PTOV1: variants seen among roughly 807,000 people sequenced by gnomAD.
PTOV1 encodes the protein PTOV1 extended AT-hook containing adaptor protein.
Under a neutral mutation model 58.0 loss-of-function variants are expected in PTOV1, and 20 were observed. The ratio of observed to expected loss-of-function variants is 0.34; its 90% confidence interval spans 0.24 to 0.50. PTOV1 has a LOEUF of 0.50. PTOV1 is among the 20% of genes least tolerant of loss of function. The pLI, the probability that PTOV1 is intolerant of heterozygous loss-of-function variation, is 0.98. For synonymous variants in PTOV1, 335 were observed against 234.2 expected (o/e 1.43, Z -3.93); for missense variants, 593 against 565.4 (o/e 1.05, Z -0.50).
chr19:49,857,975 C>T (rs200629879), exon 8 of PTOV1: 2 of 1,613,106 alleles, frequency 1.2e-6, no homozygotes, highest in African/African-American at 1.3e-5. Flanking sequence ...AGGGGGAGAT[C>T]CTGTGAGTGC....
At chr19:49,859,250 T>TG (rs566590738) in intron 10 of PTOV1, 205 of 152,012 alleles carry the variant, frequency 1.3e-3, no homozygotes, top group Middle Eastern at 3.4e-3. Flanking sequence ...TGTTCGTGGG[T>TG]GGGGGGGGCC....
intron 1 of PTOV1, 53 bp downstream of exon 1, chr19:49,851,552 C>T: frequency 4.6e-6 from 5 of 1,098,800 alleles, no homozygotes; most frequent in East Asian, 3.6e-5. Context: ...CCCCCCAGCC[C>T]CTATCCCGGG....
chr19:49,857,893 TC>T lies in PTOV1; in HGVS notation c.805-6del. The T allele has an allele frequency of 6.2e-7, 1 of 1,613,080 alleles. No individual in the cohort carries two copies. The highest frequency in any genetic ancestry group is 1.3e-5 in the African/African-American group (1 of 75,030). ...AGCCCTGAGGGCTCCTCTTTGCCTCTCCCCCAAAAGCCCAGGCCTGAGCCCA... is the reference window on the plus strand; with the variant it reads ...AGCCCTGAGGGCTCCTCTTTGCCTCTCCCCAAAAGCCCAGGCCTGAGCCCA... On this transcript the variant is annotated splice_polypyrimidine_tract_variant and intron_variant, in intron 7 of 11. Coordinates refer to ENST00000391842, the Ensembl canonical transcript of PTOV1.
In PTOV1 at chr19:49,858,127, G is replaced by GGCCGGGTGCTGGA. The variant is rs1201948222; in HGVS notation, c.936+17_936+29dup. The stretch of plus-strand genomic sequence containing the variant: ...GCAGCAGCTGCTGGTGAGGGGCTGG[G>GGCCGGGTGCTGGA]GCCGGGTGCTGGAGCCTGCACGCAG... On this transcript the variant is annotated intron_variant, in intron 9 of 11. Coordinates refer to ENST00000391842, the Ensembl canonical transcript of PTOV1. 2.5e-6 allele frequency: 4 copies of GGCCGGGTGCTGGA among 1,612,042 alleles called. No homozygotes were observed. The highest frequency in any genetic ancestry group is 1.3e-5 in the African/African-American group (1 of 74,946).
exon 5 of PTOV1, chr19:49,855,068 C>T: frequency 6.3e-7 from 1 of 1,592,226 alleles, no homozygotes; most frequent in East Asian, 2.3e-5. Context: ...GCATCATGGG[C>T]AACGGCTTCG....
At chr19:49,857,595 A>G in intron 6 of PTOV1, 98 bp from the exon 7 acceptor site, 1 of 1,155,442 alleles carries the variant, frequency 8.7e-7, no homozygotes. Context: ...TGGGGCTAAC[A>G]GGCCAAGGCT....
At position 49,851,867 on chromosome 19, in the gene PTOV1, C is replaced by T. The variant is rs899793713; in HGVS notation, c.171+368C>T. 1.5e-4 allele frequency: 107 copies of T among 700,756 alleles called. 1 individual carries two copies. Among genetic ancestry groups the T allele is most frequent in the Middle Eastern group, 1.4e-3 (2 of 1,388 alleles). The allele number at this position is 700,756 out of a possible 1,614,324, so 43.4% of individuals were successfully genotyped here. On this transcript the variant is annotated intron_variant, in intron 1 of 11. Coordinates refer to ENST00000391842, the Ensembl canonical transcript of PTOV1. Reference sequence around the variant, plus strand: ...CGGGCAGGAAACCTGGAAATGGGGGCGGTTTTGGGGGACAGCGGCGAGGGA... The same window carrying T: ...CGGGCAGGAAACCTGGAAATGGGGGTGGTTTTGGGGGACAGCGGCGAGGGA...
chr19:49,857,178 C>T lies in PTOV1; in HGVS notation c.714+48C>T, dbSNP rs756556377. The T allele has an allele frequency of 5.0e-6, 8 of 1,607,040 alleles. No individual in the cohort carries two copies. The South Asian group carries it at 8.8e-5, about 18-fold the overall frequency. ...CTCTGGGGACAGAGGGGGATTAGAC[C>T]CCACTGCCCTGGTTGGGCAGCCAGA... On this transcript the variant is annotated intron_variant, in intron 6 of 11. Transcript: ENST00000391842.
intron 1 of PTOV1, among the ~76,000 whole-genome samples, chr19:49,854,077 A>C (rs2074362296): frequency 6.6e-6 from 1 of 152,214 alleles, no homozygotes; most frequent in Non-Finnish European, 1.5e-5. Flanking sequence ...CTGGCTTCTA[A>C]CTTGGGTCTC....
exon 6 of PTOV1, chr19:49,857,099 C>G: frequency 6.2e-7 from 1 of 1,614,076 alleles, no homozygotes; most frequent in Non-Finnish European, 8.5e-7. Flanking sequence ...TTCGTCAGTG[C>G]CATCCGGCAG....
At chr19:49,853,737 T>C (rs765470834) in intron 1 of PTOV1, among the ~76,000 whole-genome samples, 1 of 152,256 alleles carries the variant, frequency 6.6e-6, no homozygotes, top group Non-Finnish European at 1.5e-5. Context: ...GTGAGACCCC[T>C]CTGGGGGTGG....
chr19:49,854,005 G>T (rs2074359715), intron 1 of PTOV1, among the ~76,000 whole-genome samples: 1 of 152,246 alleles, frequency 6.6e-6, no homozygotes, highest in Non-Finnish European at 1.5e-5. Flanking sequence ...GCCGGCTTGT[G>T]CCTGTGGAGG....
exon 6 of PTOV1, chr19:49,856,996 C>T (rs1320579738): frequency 6.2e-7 from 1 of 1,613,352 alleles, no homozygotes; most frequent in African/African-American, 1.3e-5. Context: ...GCTGTTCCCC[C>T]ACATCTCCCC....
chr19:49,860,409 G>A (rs990952200), exon 12 of PTOV1: 1 of 1,351,626 alleles, frequency 7.4e-7, no homozygotes, highest in Non-Finnish European at 1.0e-6. Flanking sequence ...GAAAGAAGCA[G>A]GGCGACCTTG....
At chr19:49,858,786 TG>T in intron 10 of PTOV1, 133 bp downstream of exon 10, 1 of 750,070 alleles carries the variant, frequency 1.3e-6, no homozygotes, top group South Asian at 1.7e-5. Flanking sequence ...GTGGCTAGTG[TG>T]GGCGTGACTT....
chr19:49,857,811 G>A (rs2074545802), intron 7 of PTOV1, 29 bp downstream of exon 7: 1 of 1,613,418 alleles, frequency 6.2e-7, no homozygotes, highest in Non-Finnish European at 8.5e-7. Flanking sequence ...AGGGACTTGG[G>A]ACCCCCAGAT....
chr19:49,851,924 T>A, intron 1 of PTOV1: 1 of 948,360 alleles, frequency 1.1e-6, no homozygotes, highest in Non-Finnish European at 1.2e-6. Context: ...CGCCCCCAGA[T>A]GTCGCACCCG....
chr19:49,856,890 C>T (rs1316735014), intron 5 of PTOV1, 85 bp from the exon 6 acceptor site: 8 of 1,519,356 alleles, frequency 5.3e-6, no homozygotes, highest in Middle Eastern at 2.4e-4. Flanking sequence ...CTCCCTTCAT[C>T]CCCTACAGGT....
rs151174127 is a variant in PTOV1 at position 49,855,244 on chromosome 19, G to A, written c.558+167G>A. ...AAATGACTGACTCCAGGCACCCTCC[G>A]TAGAGCACAGGGTGAAGGAACTCAG... is the stretch of plus-strand genomic sequence containing the variant. On this transcript the variant is annotated intron_variant, in intron 5 of 11. Transcript: ENST00000391842. 1.3e-3 allele frequency: 862 copies of A among 648,378 alleles called. 4 individuals are homozygous for A. The highest frequency in any genetic ancestry group is 0.013 in the African/African-American group (727 of 55,510). The allele number at this position is 648,378 out of a possible 1,614,324, so 40.2% of individuals were successfully genotyped here. A position where few individuals can be genotyped will look rare whatever the true frequency, so the allele number is the denominator to read the frequency against.
Sources: allele counts gnomAD v4.1 joint callset (sites outside exome capture counted in the v4.1 genomes callset), GRCh38; gene constraint gnomAD v4.1.1; transcripts MANE v1.5; gene names NCBI Gene and HGNC (gene_info 2026-07-23, HGNC 2026-07-21).